The following CDH2 variants were observed in gnomAD, a reference collection of about 807,000 sequenced individuals.
The protein encoded by CDH2 is cadherin-2.
In CDH2, 17 loss-of-function variants were observed where a neutral mutation model predicts 92.0. The observed-to-expected ratio is 0.18, with a 90% CI of 0.13 to 0.28. The LOEUF (loss-of-function observed/expected upper bound fraction) is 0.28, where lower values mean the gene tolerates loss of function less well. CDH2 is among the 10% of genes least tolerant of loss of function. The pLI is 1.00. For missense variants in CDH2, 862 were observed against 1,133.1 expected (o/e 0.76, Z 3.44); for synonymous variants, 419 against 415.9 (o/e 1.01, Z -0.09).
At chr18:28,050,916 T>C (rs547071589) in intron 2 of CDH2, among the ~76,000 whole-genome samples, 2 of 152,354 alleles carry the variant, frequency 1.3e-5, no homozygotes, top group East Asian at 3.9e-4. Context: ...GATAATTCAG[T>C]CTTGATAAGG....
At chr18:27,937,614 C>G (rs1909048010) in intron 6 of CDH2, among the ~76,000 whole-genome samples, 1 of 152,170 alleles carries the variant, frequency 6.6e-6, no homozygotes, top group South Asian at 2.1e-4. Context: ...ATCTTCTAAT[C>G]TAACTTTCTT....
rs188005340 is a variant in CDH2, at chr18:28,016,201, G to T, written c.173-2292C>A. Among the ~76,000 whole-genome samples the T allele has an allele frequency of 2.0e-3, 301 of 152,242 alleles. 5 individuals are homozygous for T. The highest frequency in any genetic ancestry group is 7.0e-3 in the African/African-American group (289 of 41,542). Reference sequence around the variant, plus strand: ...TTATAATAATAATAGTTATAATGATGGTTATTAATAATTTCATATGAGTGG... The same window carrying T: ...TTATAATAATAATAGTTATAATGATTGTTATTAATAATTTCATATGAGTGG... On this transcript the variant is annotated intron_variant, in intron 2 of 15. Transcript: ENST00000269141.
intron 5 of CDH2, among the ~76,000 whole-genome samples, chr18:28,008,744 T>TA (rs1034143162): frequency 5.0e-4 from 66 of 132,256 alleles, no homozygotes; most frequent in African/African-American, 6.7e-4. Flanking sequence ...AAGTATAATA[T>TA]AAAAAAAAAA....
At position 28,176,473 on chromosome 18, in the gene CDH2, G is replaced by A. The variant is rs939925638; in HGVS notation, c.60+490C>T. Among the ~76,000 whole-genome samples, 21 of 152,314 alleles carry A rather than the reference G, an allele frequency of 1.4e-4. 1 individual carries two copies. In the South Asian group the frequency reaches 1.9e-3, roughly 14 times the overall value. On this transcript the variant is annotated intron_variant, in intron 1 of 15. Transcript: ENST00000269141. Reference sequence around the variant, plus strand: ...AGCCCTTGAGCACCGGGAGGCGCACGGGTGCAGGGTGGGGTAAGGTGGAGG... The same window carrying A: ...AGCCCTTGAGCACCGGGAGGCGCACAGGTGCAGGGTGGGGTAAGGTGGAGG...
At chr18:28,127,703 A>T (rs1345607778) in intron 2 of CDH2, among the ~76,000 whole-genome samples, 1 of 152,202 alleles carries the variant, frequency 6.6e-6, no homozygotes, top group Non-Finnish European at 1.5e-5. Flanking sequence ...TTACAGCTAG[A>T]GGTAGGGGTG....
chr18:28,048,691 T>C (rs922601933), intron 2 of CDH2, among the ~76,000 whole-genome samples: 5 of 152,178 alleles, frequency 3.3e-5, no homozygotes, highest in Admixed American at 6.5e-5. Context: ...CAAATTTGAA[T>C]GTAAACAAAG....
At chr18:28,058,454 C>CA (rs1392734964) in intron 2 of CDH2, among the ~76,000 whole-genome samples, 2 of 152,172 alleles carry the variant, frequency 1.3e-5, no homozygotes, top group African/African-American at 4.8e-5. Flanking sequence ...CCTCCAGGCT[C>CA]ACGCAACTGT....
At chr18:28,070,926 T>C (rs1459717313) in intron 2 of CDH2, among the ~76,000 whole-genome samples, 1 of 152,150 alleles carries the variant, frequency 6.6e-6, no homozygotes, top group African/African-American at 2.4e-5. Context: ...TCAATTTTTT[T>C]TCTTCTCCAC....
intron 14 of CDH2, among the ~76,000 whole-genome samples, chr18:27,971,515 A>C (rs1175787323): frequency 6.6e-6 from 1 of 152,184 alleles, no homozygotes; most frequent in East Asian, 1.9e-4. Context: ...AGGAAAAGTC[A>C]TATGCAAATC....
chr18:28,079,732 G>A (rs1051819150), intron 2 of CDH2, among the ~76,000 whole-genome samples: 4 of 152,162 alleles, frequency 2.6e-5, no homozygotes, highest in African/African-American at 7.2e-5. Context: ...CTAAAACCAC[G>A]GAACTGCATC....
chr18:28,103,653 G>GC (rs1379712584), intron 2 of CDH2, among the ~76,000 whole-genome samples: 1 of 151,224 alleles, frequency 6.6e-6, no homozygotes, highest in African/African-American at 2.4e-5. Flanking sequence ...CATCCCCCTA[G>GC]CCCCCATCCC....
At chr18:27,957,717 A>G (rs568880800) in intron 15 of CDH2, among the ~76,000 whole-genome samples, 2 of 152,288 alleles carry the variant, frequency 1.3e-5, no homozygotes, top group African/African-American at 4.8e-5. Context: ...TTTCCTGCTC[A>G]GCATCCTCTT....
At chr18:28,092,460 T>C (rs995581263) in intron 2 of CDH2, among the ~76,000 whole-genome samples, 1 of 152,088 alleles carries the variant, frequency 6.6e-6, no homozygotes, top group Non-Finnish European at 1.5e-5. Context: ...CAGAAGACTA[T>C]TGTAATAAAT....
intron 2 of CDH2, among the ~76,000 whole-genome samples, chr18:28,110,108 C>G (rs965260068): frequency 8.5e-5 from 13 of 152,168 alleles, no homozygotes; most frequent in African/African-American, 3.1e-4. Context: ...GAATTAAGAA[C>G]TTGGTGTTGC....
chr18:28,013,237 T>C (rs1348109473), intron 3 of CDH2, among the ~76,000 whole-genome samples: 1 of 152,148 alleles, frequency 6.6e-6, no homozygotes, highest in Admixed American at 6.6e-5. Flanking sequence ...TATAAATAAT[T>C]CATACCCCCC....
chr18:28,156,576 AATGTCACCTTCCCAGGTACAGC>A (rs2016218796), intron 1 of CDH2, among the ~76,000 whole-genome samples: 8 of 84,914 alleles, frequency 9.4e-5, no homozygotes, highest in African/African-American at 3.0e-4. Context: ...CCAGGTACAG[AATGTCACCTTCCCAGGTACAGC>A]ATGTCACCTT....
chr18:28,053,324 A>G (rs928321270), intron 2 of CDH2, among the ~76,000 whole-genome samples: 5 of 152,218 alleles, frequency 3.3e-5, no homozygotes, highest in African/African-American at 9.6e-5. Context: ...TAAGTATTAG[A>G]CATTTTTAAA....
chr18:28,177,111 C>T lies in CDH2; in HGVS notation c.-89G>A. On this transcript the variant is annotated 5_prime_UTR_variant, in exon 1 of 16. Coordinates refer to ENST00000269141, the MANE Select transcript of CDH2 (RefSeq NM_001792.5). ...GAGGAGGAGGCAGCGGCAGCACCAACAGCGGCGCGGAGAAACGGCTCCAGG... is the reference window on the plus strand; with the variant it reads ...GAGGAGGAGGCAGCGGCAGCACCAATAGCGGCGCGGAGAAACGGCTCCAGG... The T allele has an allele frequency of 1.0e-6, 1 of 991,362 alleles. No homozygotes were observed. The highest frequency in any genetic ancestry group is 1.4e-6 in the Non-Finnish European group (1 of 691,766). The allele number at this position is 991,362 out of a possible 1,614,324, so 61.4% of individuals were successfully genotyped here. A position where few individuals can be genotyped will look rare whatever the true frequency, so the allele number is the denominator to read the frequency against.
rs866284995 is a variant in CDH2 at position 28,043,491 on chromosome 18, T to A, written c.173-29582A>T. Among the ~76,000 whole-genome samples, 481 of 72,170 alleles carry A rather than the reference T, an allele frequency of 6.7e-3. 3 individuals carry two copies. The highest frequency in any genetic ancestry group is 0.022 in the African/African-American group (405 of 18,226). 47.3% of individuals were successfully genotyped at this position (72,170 alleles called of 152,430 possible). A position where few individuals can be genotyped will look rare whatever the true frequency, so the allele number is the denominator to read the frequency against. On this transcript the variant is annotated intron_variant, in intron 2 of 15. Coordinates refer to ENST00000269141, the MANE Select transcript of CDH2 (RefSeq NM_001792.5). ...ATATATATATATATATATATATATA[T>A]ATAAATATATATATATATATATATA...
Sources: allele counts gnomAD v4.1 joint callset (sites outside exome capture counted in the v4.1 genomes callset), GRCh38; gene constraint gnomAD v4.1.1; transcripts MANE v1.5; gene names NCBI Gene and HGNC (gene_info 2026-07-23, HGNC 2026-07-21).